Variants in KIAA0930 observed in about 807,000 individuals in gnomAD.
The protein encoded by KIAA0930 is KIAA0930.
KIAA0930 carries 24 observed loss-of-function variants against 43.9 expected under a neutral mutation model. That is an observed-to-expected ratio of 0.55 (90% CI 0.40 to 0.77). The LOEUF (loss-of-function observed/expected upper bound fraction) is 0.77. Among genes scored for constraint, KIAA0930 ranks in the 30% least tolerant of loss-of-function variants. The pLI is 0.00. For synonymous variants in KIAA0930, 259 were observed against 216.4 expected (o/e 1.20, Z -1.73); for missense variants, 461 against 574.2 (o/e 0.80, Z 2.02).
chr22:45,218,763 G>C (rs1025918646), intron 1 of KIAA0930, among the ~76,000 whole-genome samples: 1 of 152,062 alleles, frequency 6.6e-6, no homozygotes, highest in African/African-American at 2.4e-5. Context: ...GAAACTAAGC[G>C]AACCCGGGGG....
chr22:45,200,839 G>T (rs532193884), intron 7 of KIAA0930: 2 of 468,056 alleles, frequency 4.3e-6, no homozygotes, highest in Non-Finnish European at 8.8e-6. Flanking sequence ...AGAAAGAGAA[G>T]CACAGGATAC....
In KIAA0930 at chr22:45,193,948, A is replaced by C. The variant is rs1387293247; in HGVS notation, c.*3228T>G. On this transcript the variant is annotated 3_prime_UTR_variant, in exon 10 of 10. Coordinates refer to ENST00000336156, the MANE Select transcript of KIAA0930 (RefSeq NM_001009880.2). ...CTACAACTTTCTTTTTAATGTTCTA[A>C]AAAGTGACACCTAGGTTTCCTCAAC... 1.3e-5 allele frequency: 2 copies of C among 151,870 alleles called. No homozygotes were observed. The highest frequency in any genetic ancestry group is 1.3e-4 in the Admixed American group (2 of 15,214). The allele number at this position is 151,870 out of a possible 1,614,324, so 9.4% of individuals were successfully genotyped here. A position where few individuals can be genotyped will look rare whatever the true frequency, so the allele number is the denominator to read the frequency against.
At position 45,216,161 on chromosome 22, in the gene KIAA0930, T is replaced by C. The variant is rs573307246; in HGVS notation, c.65-4054A>G. Among the ~76,000 whole-genome samples the C allele has an allele frequency of 8.5e-5, 13 of 152,136 alleles. 1 individual carries two copies. The highest frequency in any genetic ancestry group is 1.0e-4 in the Non-Finnish European group (7 of 68,012). On this transcript the variant is annotated intron_variant, in intron 1 of 9. Transcript: ENST00000336156. ...AGGAAAGGTCGGGACTGGAGGGATA[T>C]CTCTGATTCCCGGAGGCACAGTACA...
chr22:45,225,494 C>T (rs2083793462), intron 1 of KIAA0930, among the ~76,000 whole-genome samples: 1 of 152,222 alleles, frequency 6.6e-6, no homozygotes, highest in African/African-American at 2.4e-5. Context: ...CAGGCAGCCC[C>T]CGCATCTGCC....
Position 45,199,937 on chromosome 22 carries a change from A to G in KIAA0930, c.951T>C (p.Ala317=). 8 of 1,609,460 alleles carry G rather than the reference A, an allele frequency of 5.0e-6. No homozygotes were observed. The highest frequency in any genetic ancestry group is 6.8e-6 in the Non-Finnish European group (8 of 1,177,326). ...TGGCCGAGTGCGACTTCTTCATCTC[A>G]GCGATCCGGTTCCGGGGCACCTTCC... ...LKRKVPRNRI[A]EMKKSHSAND... Residue 317 remains alanine (A), a synonymous_variant, in exon 8 of 10, where the codon GCT becomes GCC. Transcript: ENST00000336156.
chr22:45,204,139 G>A (rs1180303195), intron 5 of KIAA0930, among the ~76,000 whole-genome samples, 154 bp from the exon 6 acceptor site: 3 of 152,306 alleles, frequency 2.0e-5, no homozygotes, highest in Admixed American at 6.5e-5. Context: ...TGCCCTCCGA[G>A]CCCCACAGGA....
chr22:45,235,811 T>G (rs2089493515), intron 1 of KIAA0930, among the ~76,000 whole-genome samples: 1 of 152,216 alleles, frequency 6.6e-6, no homozygotes. Context: ...ATGAGGACAC[T>G]GAGGCCCGAG....
intron 1 of KIAA0930, among the ~76,000 whole-genome samples, chr22:45,216,157 G>A (rs1000019227): frequency 3.9e-5 from 6 of 152,228 alleles, no homozygotes; most frequent in South Asian, 2.1e-4. Flanking sequence ...GGACTGGAGG[G>A]ATATCTCTGA....
intron 1 of KIAA0930, among the ~76,000 whole-genome samples, chr22:45,228,625 G>A (rs1014915551): frequency 6.6e-6 from 1 of 151,986 alleles, no homozygotes; most frequent in Non-Finnish European, 1.5e-5. Context: ...GGCCCTGTGT[G>A]GGCAATACCT....
chr22:45,218,333 A>ATTTTTTTT (rs752298111), intron 1 of KIAA0930, among the ~76,000 whole-genome samples: 49 of 51,708 alleles, frequency 9.5e-4, no homozygotes, highest in South Asian at 1.1e-3. Context: ...AATTTTTTTG[A>ATTTTTTTT]TTTTTTTTTT....
chr22:45,217,822 CAGG>C (rs766832938), intron 1 of KIAA0930, among the ~76,000 whole-genome samples: 2 of 151,428 alleles, frequency 1.3e-5, no homozygotes, highest in Non-Finnish European at 2.9e-5. Context: ...TGATATTTGC[CAGG>C]AGTTCTGGTG....
chr22:45,224,135 GA>G (rs1385929313), intron 1 of KIAA0930, among the ~76,000 whole-genome samples: 6 of 152,136 alleles, frequency 3.9e-5, no homozygotes, highest in African/African-American at 1.4e-4. Flanking sequence ...CAGTTACTTG[GA>G]AAAACGCTCA....
rs1266962007 is a variant in KIAA0930 at position 45,209,322 on chromosome 22, G to C, written c.216+2634C>G. On this transcript the variant is annotated intron_variant, in intron 2 of 9. Transcript: ENST00000336156. Reference sequence around the variant, plus strand: ...ACCGAGCGCTCAGGGCTTTTGCCAGGGGGGGTCTCCCCGTCTCCCCATCAG... The same window carrying C: ...ACCGAGCGCTCAGGGCTTTTGCCAGCGGGGGTCTCCCCGTCTCCCCATCAG... 2.8e-4 allele frequency among the ~76,000 whole-genome samples: 15 copies of C among 52,942 alleles called. No individual in the cohort carries two copies. In the East Asian group the frequency reaches 7.1e-3, roughly 25 times the overall value. The allele number at this position is 52,942 out of a possible 152,430, so 34.7% of individuals were successfully genotyped here. A position where few individuals can be genotyped will look rare whatever the true frequency, so the allele number is the denominator to read the frequency against.
At position 45,203,036 on chromosome 22, in the gene KIAA0930, C is replaced by T. The variant is rs750474005; in HGVS notation, c.806G>A (p.Cys269Tyr). The change falls in exon 7 of 10, where the codon TGT becomes TAT. Residue 269 changes from cysteine (C) to tyrosine (Y), a missense_variant. Transcript: ENST00000336156. ...TGGGCTGGAGTCCTCTTCAGTCCCACAGGGGGATGTGTCACCTGTAGACAC... is the reference window on the plus strand; with the variant it reads ...TGGGCTGGAGTCCTCTTCAGTCCCATAGGGGGATGTGTCACCTGTAGACAC... ...SRVSTGDTSP[C>Y]GTEEDSSPAS... 1.9e-6 allele frequency: 3 copies of T among 1,613,482 alleles called. No homozygotes were observed. Among genetic ancestry groups the T allele is most frequent in the Non-Finnish European group, 2.5e-6 (3 of 1,179,764 alleles).
intron 1 of KIAA0930, among the ~76,000 whole-genome samples, chr22:45,237,761 A>C (rs965892841): frequency 6.6e-6 from 1 of 152,134 alleles, no homozygotes; most frequent in East Asian, 1.9e-4. Context: ...ACAGCTTGAG[A>C]GTGTTGATGA....
intron 5 of KIAA0930, 61 bp from the exon 6 acceptor site, chr22:45,204,046 C>T: frequency 6.2e-7 from 1 of 1,602,848 alleles, no homozygotes; most frequent in Admixed American, 1.7e-5. Context: ...CACACCACAG[C>T]CTGGCCCAAC....
chr22:45,214,659 A>G (rs920996890), intron 1 of KIAA0930, among the ~76,000 whole-genome samples: 27 of 152,314 alleles, frequency 1.8e-4, no homozygotes, highest in Admixed American at 3.9e-4. Context: ...CTGTAATCCC[A>G]GCACTTTGGG....
At chr22:45,217,458 G>T (rs1444144278) in intron 1 of KIAA0930, among the ~76,000 whole-genome samples, 1 of 148,708 alleles carries the variant, frequency 6.7e-6, no homozygotes, top group Admixed American at 6.7e-5. Context: ...AATGTTGAAC[G>T]AAGCTTCTCT....
Position 45,195,356 on chromosome 22 carries a change from C to G in KIAA0930, c.*1820G>C, listed in dbSNP as rs1304320778. ...GTCAGGGCTGTGTTTCTCCCAAGAT[C>G]CCCAGAACAACCAGGGGAAGAGTTC... On this transcript the variant is annotated 3_prime_UTR_variant, in exon 10 of 10. Transcript: ENST00000336156. 1.3e-5 allele frequency: 2 copies of G among 152,276 alleles called. No individual in the cohort carries two copies. Among genetic ancestry groups the G allele is most frequent in the East Asian group, 3.8e-4 (2 of 5,202 alleles). 9.4% of individuals were successfully genotyped at this position (152,276 alleles called of 1,614,324 possible). A position where few individuals can be genotyped will look rare whatever the true frequency, so the allele number is the denominator to read the frequency against.
Sources: gnomAD v4.1 joint callset for allele counts (sites outside exome capture counted in the v4.1 genomes callset) on GRCh38, gnomAD v4.1.1 for gene constraint, MANE v1.5 for transcripts, NCBI Gene and HGNC (gene_info 2026-07-23, HGNC 2026-07-21) for gene names.